METAP1: variants seen among roughly 807,000 people sequenced by gnomAD.
METAP1 encodes methionyl aminopeptidase 1.
Under a neutral mutation model 53.8 loss-of-function variants are expected in METAP1, and 28 were observed. The observed-to-expected ratio is 0.52, with a 90% CI of 0.39 to 0.71. The LOEUF is 0.71. Among genes scored for constraint, METAP1 ranks in the 30% least tolerant of loss-of-function variants. METAP1 has a pLI of 0.00. For synonymous variants in METAP1, 181 were observed against 165.7 expected, an observed-to-expected ratio of 1.09 and a Z score of -0.71; for missense variants, 389 against 479.8, an observed-to-expected ratio of 0.81 and a Z score of 1.77.
rs1225048621 is a variant in METAP1 at position 99,039,459 on chromosome 4, A to G, written c.426A>G (p.Val142=). The G allele has an allele frequency of 3.8e-6, 6 of 1,595,180 alleles. No individual in the cohort carries two copies. The highest frequency in any genetic ancestry group is 4.3e-6 in the Non-Finnish European group (5 of 1,163,938). The change falls in exon 5 of 11, where the codon GTA becomes GTG. Residue 142 remains valine, a synonymous_variant. Transcript: ENST00000296411. The part of the protein sequence containing the change: ...SSEDIEGMRL[V]CRLAREVLDV... ...AAGATATAGAAGGGATGCGACTTGT[A>G]TGTAGGGTAAGAGTGATTTTTTCTC...
intron 4 of METAP1, chr4:99,036,165 T>C (rs2110350763): frequency 6.5e-6 from 1 of 154,174 alleles, no homozygotes; most frequent in Non-Finnish European, 1.5e-5. Context: ...TGATTTTGCA[T>C]GTCAAAGAAG....
At chr4:99,005,796 T>G (rs1043371648) in intron 1 of METAP1, 1 of 429,802 alleles carries the variant, frequency 2.3e-6, no homozygotes, top group South Asian at 1.7e-5. Flanking sequence ...GAGGCTGTTA[T>G]TCTAAGTGAA....
chr4:99,021,321 G>A (rs1201676822), intron 1 of METAP1, among the ~76,000 whole-genome samples: 1 of 152,072 alleles, frequency 6.6e-6, no homozygotes, highest in Non-Finnish European at 1.5e-5. Flanking sequence ...CATGCACGAG[G>A]TCTCCTGGTC....
At chr4:99,058,996 A>G (rs1219258872) in intron 10 of METAP1, among the ~76,000 whole-genome samples, 1 of 152,268 alleles carries the variant, frequency 6.6e-6, no homozygotes, top group Non-Finnish European at 1.5e-5. Context: ...ATCACGTGCA[A>G]CCAGTTGTAA....
intron 1 of METAP1, chr4:99,022,256 T>C (rs550131706): frequency 6.0e-6 from 3 of 497,068 alleles, no homozygotes; most frequent in South Asian, 1.0e-4. Context: ...CATTCTATTA[T>C]GAGGTAGACA....
chr4:99,023,133 T>TCAG, intron 1 of METAP1: 2 of 868,894 alleles, frequency 2.3e-6, no homozygotes, highest in Non-Finnish European at 3.4e-6. Flanking sequence ...TGCCTCCGTG[T>TCAG]TGACTGACAC....
At chr4:99,031,934 T>A (rs1725068190) in intron 2 of METAP1, among the ~76,000 whole-genome samples, 1 of 148,534 alleles carries the variant, frequency 6.7e-6, no homozygotes, top group Admixed American at 6.6e-5. Flanking sequence ...AAATGTATAT[T>A]TATACTGCCC....
chr4:99,053,004 A>G (rs112001619), intron 9 of METAP1, among the ~76,000 whole-genome samples: 9 of 152,308 alleles, frequency 5.9e-5, no homozygotes, highest in East Asian at 1.9e-4. Flanking sequence ...CAGCTACTCA[A>G]CTGTTCAAGT....
intron 1 of METAP1, among the ~76,000 whole-genome samples, chr4:99,013,821 C>G (rs1376044399): frequency 6.6e-6 from 1 of 152,216 alleles, no homozygotes; most frequent in South Asian, 2.1e-4. Flanking sequence ...CTGGAACAAG[C>G]TGGAGCAGCC....
In METAP1 at chr4:99,061,425, T is replaced by A; in HGVS notation, c.*108T>A. ...TTTTAATCACTTGTTTTGTTTTGAC[T>A]ATAGATAAGAAAGGACTACAGCATT... On this transcript the variant is annotated 3_prime_UTR_variant, in exon 11 of 11. Transcript: ENST00000296411. The A allele has an allele frequency of 9.1e-7, 1 of 1,093,840 alleles. No individual in the cohort carries two copies. The highest frequency in any genetic ancestry group is 1.3e-6 in the Non-Finnish European group (1 of 772,524). The allele number at this position is 1,093,840 out of a possible 1,614,324, so 67.8% of individuals were successfully genotyped here. A position where few individuals can be genotyped will look rare whatever the true frequency, so the allele number is the denominator to read the frequency against.
chr4:99,012,401 G>A (rs538814280), intron 1 of METAP1, among the ~76,000 whole-genome samples: 1 of 151,130 alleles, frequency 6.6e-6, no homozygotes, highest in Admixed American at 6.6e-5. Flanking sequence ...CTCTCGAGTA[G>A]CTGCACTGAC....
Position 99,031,636 on chromosome 4 carries a change from A to C in METAP1, c.167-2594A>C. ...AGGATTAAATAAAGAAATCCATGAG[A>C]AGTGCTTAGCATGTGTACCATGCAT... On this transcript the variant is annotated intron_variant, in intron 2 of 10. Coordinates refer to ENST00000296411, the MANE Select transcript of METAP1 (RefSeq NM_015143.3). 3 of 1,219,306 alleles carry C rather than the reference A, an allele frequency of 2.5e-6. No homozygotes were observed. In the South Asian group the frequency reaches 3.8e-5, roughly 15 times the overall value. The allele number at this position is 1,219,306 out of a possible 1,614,324, so 75.5% of individuals were successfully genotyped here. A position where few individuals can be genotyped will look rare whatever the true frequency, so the allele number is the denominator to read the frequency against.
chr4:99,028,119 C>G (rs966911910), intron 1 of METAP1, among the ~76,000 whole-genome samples: 2 of 152,162 alleles, frequency 1.3e-5, no homozygotes, highest in Admixed American at 1.3e-4. Flanking sequence ...GAGAGGCCAT[C>G]AACCTCAAAA....
At chr4:99,032,965 T>C (rs976318857) in intron 2 of METAP1, among the ~76,000 whole-genome samples, 1 of 152,218 alleles carries the variant, frequency 6.6e-6, no homozygotes, top group African/African-American at 2.4e-5. Context: ...TATAAATATA[T>C]TCTTTTCCAA....
chr4:99,038,683 A>T (rs936713314), intron 4 of METAP1, among the ~76,000 whole-genome samples: 2 of 152,094 alleles, frequency 1.3e-5, no homozygotes, highest in Non-Finnish European at 1.5e-5. Flanking sequence ...TGTATGTAAA[A>T]CTTGAAGCTA....
chr4:99,057,736 T>C lies in METAP1; in HGVS notation c.932-17T>C. ...GTTGGTTTTGCTACCTTTTGAGATT[T>C]TTTTCTTTGATTTCAGAAAATAAAG... On this transcript the variant is annotated splice_polypyrimidine_tract_variant and intron_variant, in intron 9 of 10. Coordinates refer to ENST00000296411, the MANE Select transcript of METAP1 (RefSeq NM_015143.3). 6.4e-7 allele frequency: 1 copy of C among 1,566,822 alleles called. No homozygotes were observed. Among genetic ancestry groups the C allele is most frequent in the Non-Finnish European group, 8.7e-7 (1 of 1,154,670 alleles).
chr4:99,018,282 G>C (rs1723895390), intron 1 of METAP1, among the ~76,000 whole-genome samples: 1 of 152,186 alleles, frequency 6.6e-6, no homozygotes, highest in Non-Finnish European at 1.5e-5. Context: ...CTCTTCTTTG[G>C]AGACCCGCAG....
chr4:99,003,642 A>T (rs774681617), intron 1 of METAP1, among the ~76,000 whole-genome samples: 59 of 152,194 alleles, frequency 3.9e-4, no homozygotes, highest in Non-Finnish European at 7.8e-4. Flanking sequence ...CTGTCGATGT[A>T]TGTTTTCTAA....
intron 1 of METAP1, chr4:99,023,035 T>C: frequency 7.0e-7 from 1 of 1,428,342 alleles, no homozygotes; most frequent in Non-Finnish European, 9.4e-7. Context: ...GGCTGCTGCT[T>C]TGGATTCCTC....
Sources: gnomAD v4.1 joint callset for allele counts (sites outside exome capture counted in the v4.1 genomes callset) on GRCh38, gnomAD v4.1.1 for gene constraint, MANE v1.5 for transcripts, NCBI Gene and HGNC (gene_info 2026-07-23, HGNC 2026-07-21) for gene names.